The following SUFU variants were observed in gnomAD, a reference collection of about 807,000 sequenced individuals.
SUFU encodes the protein suppressor of fused homolog.
A neutral mutation model predicts 58.9 loss-of-function variants in SUFU; 7 were observed. That is an observed-to-expected ratio of 0.12 (90% CI 0.07 to 0.22). SUFU has a LOEUF of 0.22. Ranked by LOEUF, SUFU falls within the 10% of genes least tolerant of loss-of-function variation. SUFU has a pLI of 1.00. For missense variants in SUFU, 451 were observed against 641.3 expected (o/e 0.70, Z 3.20); for synonymous variants, 232 against 254.8 (o/e 0.91, Z 0.85).
At chr10:102,608,925 C>A (rs962285581) in intron 8 of SUFU, among the ~76,000 whole-genome samples, 1 of 152,178 alleles carries the variant, frequency 6.6e-6, no homozygotes, top group Non-Finnish European at 1.5e-5. Flanking sequence ...AATTAAAATT[C>A]CATCGAATAC....
intron 3 of SUFU, among the ~76,000 whole-genome samples, chr10:102,568,889 A>AT (rs2063122552): frequency 4.4e-5 from 2 of 45,204 alleles, no homozygotes; most frequent in South Asian, 1.4e-3. Flanking sequence ...AAAAAAAAAA[A>AT]AAAAAAAAAT....
chr10:102,527,345 G>T (rs1046882542), intron 2 of SUFU, among the ~76,000 whole-genome samples: 1 of 152,104 alleles, frequency 6.6e-6, no homozygotes, highest in African/African-American at 2.4e-5. Context: ...AAAGAAAAAG[G>T]ATGATATGAT....
intron 2 of SUFU, among the ~76,000 whole-genome samples, chr10:102,519,833 A>G (rs546156562): frequency 1.5e-3 from 228 of 152,166 alleles, no homozygotes; most frequent in African/African-American, 5.1e-3. Flanking sequence ...ATGCGGTGGC[A>G]TGATCTCAGC....
chr10:102,612,199 G>A (rs2063633416), intron 8 of SUFU, among the ~76,000 whole-genome samples: 1 of 110,806 alleles, frequency 9.0e-6, no homozygotes, highest in Admixed American at 1.1e-4. Context: ...GTGTGTGTGT[G>A]TGTGTGTGTG....
At chr10:102,583,599 T>G (rs1353176263) in intron 3 of SUFU, among the ~76,000 whole-genome samples, 2 of 152,250 alleles carry the variant, frequency 1.3e-5, no homozygotes, top group South Asian at 2.1e-4. Flanking sequence ...ATGTTAATTC[T>G]GGTTAATAAA....
intron 4 of SUFU, 145 bp downstream of exon 4, chr10:102,592,869 G>GT: frequency 1.0e-6 from 1 of 966,820 alleles, no homozygotes; most frequent in East Asian, 2.6e-5. Context: ...GGTTTGTCAG[G>GT]TAGATTCAGA....
chr10:102,605,928 A>C (rs1192136748), intron 8 of SUFU, among the ~76,000 whole-genome samples: 1 of 152,184 alleles, frequency 6.6e-6, no homozygotes, highest in Non-Finnish European at 1.5e-5. Context: ...TCCACTGCAG[A>C]CGTCATGACT....
upstream of SUFU, chr10:102,503,927 G>T: frequency 1.9e-6 from 1 of 533,542 alleles, no homozygotes; most frequent in East Asian, 3.5e-5. Context: ...GTGCGCCGGC[G>T]CCCCGCCCCC....
chr10:102,520,712 A>G (rs190590038), intron 2 of SUFU, among the ~76,000 whole-genome samples: 124 of 152,270 alleles, frequency 8.1e-4, no homozygotes, highest in Non-Finnish European at 1.3e-3. Flanking sequence ...ATAGAGTTGG[A>G]ATCAAATAGT....
intron 2 of SUFU, among the ~76,000 whole-genome samples, chr10:102,532,727 G>T (rs2062690329): frequency 6.6e-6 from 1 of 152,194 alleles, no homozygotes; most frequent in Non-Finnish European, 1.5e-5. Context: ...AGGCAAGGGA[G>T]TCATCAGTGT....
intron 2 of SUFU, among the ~76,000 whole-genome samples, chr10:102,541,263 C>G (rs915196286): frequency 6.6e-6 from 1 of 152,206 alleles, no homozygotes; most frequent in Non-Finnish European, 1.5e-5. Flanking sequence ...CCTCCACACC[C>G]TGCAGTGCTT....
At chr10:102,569,910 AG>A (rs1482505662) in intron 3 of SUFU, among the ~76,000 whole-genome samples, 1 of 152,234 alleles carries the variant, frequency 6.6e-6, no homozygotes, top group Admixed American at 6.5e-5. Context: ...TCTAGTTTGA[AG>A]ACGAAAAGAC....
chr10:102,599,407 T>G, intron 7 of SUFU, 26 bp from the exon 8 acceptor site: 1 of 1,593,034 alleles, frequency 6.3e-7, no homozygotes, highest in Non-Finnish European at 8.6e-7. Flanking sequence ...ACTGGGCCAC[T>G]GGGCAACTTA....
rs34032732 is a variant in SUFU, at chr10:102,612,169, TTGTGTGTG to T, written c.1023-3066_1023-3059del. ...AACAAATCAGCAGAAAACTGGGTTCTTGTGTGTGTGTGTGTGTGTGTGTGTGTGTGTGT... is the reference window on the plus strand; with the variant it reads ...AACAAATCAGCAGAAAACTGGGTTCTTGTGTGTGTGTGTGTGTGTGTGTGT... On this transcript the variant is annotated intron_variant, in intron 8 of 11. Coordinates refer to ENST00000369902, the MANE Select transcript of SUFU (RefSeq NM_016169.4). 9.2e-3 allele frequency among the ~76,000 whole-genome samples: 1,368 copies of T among 148,310 alleles called. 21 individuals carry two copies. Among genetic ancestry groups the T allele is most frequent in the African/African-American group, 0.031 (1,250 of 40,298 alleles).
chr10:102,575,771 G>A (rs1049795597), intron 3 of SUFU, among the ~76,000 whole-genome samples: 3 of 152,184 alleles, frequency 2.0e-5, no homozygotes, highest in African/African-American at 7.2e-5. Flanking sequence ...GGCTGCTGGT[G>A]CCACATAGCA....
At chr10:102,553,933 A>G (rs1324092558) in intron 3 of SUFU, among the ~76,000 whole-genome samples, 1 of 152,192 alleles carries the variant, frequency 6.6e-6, no homozygotes, top group African/African-American at 2.4e-5. Flanking sequence ...GTCTCTACAA[A>G]AATTTTAAAA....
At chr10:102,505,605 T>G (rs2135603259) in intron 1 of SUFU, among the ~76,000 whole-genome samples, 1 of 152,312 alleles carries the variant, frequency 6.6e-6, no homozygotes, top group East Asian at 1.9e-4. Context: ...TGTGCAGGGC[T>G]GAGGCCAGCT....
intron 3 of SUFU, among the ~76,000 whole-genome samples, chr10:102,574,165 G>C (rs886333310): frequency 2.6e-5 from 4 of 152,104 alleles, no homozygotes; most frequent in Admixed American, 2.0e-4. Flanking sequence ...GGACCATGGG[G>C]GCACCTTAGA....
At chr10:102,567,029 T>TTTG (rs2063098538) in intron 3 of SUFU, among the ~76,000 whole-genome samples, 1 of 130,468 alleles carries the variant, frequency 7.7e-6, no homozygotes, top group African/African-American at 2.9e-5. Flanking sequence ...TTTTTTTTTT[T>TTTG]GAGACAGAGT....
Sources: gnomAD v4.1 joint callset for allele counts (sites outside exome capture counted in the v4.1 genomes callset) on GRCh38, gnomAD v4.1.1 for gene constraint, MANE v1.5 for transcripts, NCBI Gene and HGNC (gene_info 2026-07-23, HGNC 2026-07-21) for gene names.